The following FGFR1 variants were observed in gnomAD, a reference collection of about 807,000 sequenced individuals.
FGFR1 encodes the protein fibroblast growth factor receptor 1.
In FGFR1, 18 loss-of-function variants were observed where a neutral mutation model predicts 93.7. The ratio of observed to expected loss-of-function variants is 0.19; its 90% CI spans 0.13 to 0.28. The LOEUF (loss-of-function observed/expected upper bound fraction) is 0.28. Among genes scored for constraint, FGFR1 ranks in the 10% least tolerant of loss-of-function variants. The pLI, the probability that FGFR1 is intolerant of heterozygous loss-of-function variation, is 1.00. For synonymous variants in FGFR1, 448 were observed against 429.3 expected (o/e 1.04, Z -0.54); for missense variants, 731 against 1,080.4 (o/e 0.68, Z 4.53).
chr8:38,433,939 A>C (rs894923885), intron 2 of FGFR1, among the ~76,000 whole-genome samples: 9 of 152,158 alleles, frequency 5.9e-5, no homozygotes, highest in African/African-American at 2.2e-4. Context: ...CCCTATCCCC[A>C]GTCTAAGCAA....
At chr8:38,446,539 A>G (rs1829353517) in intron 2 of FGFR1, among the ~76,000 whole-genome samples, 1 of 151,742 alleles carries the variant, frequency 6.6e-6, no homozygotes, top group Non-Finnish European at 1.5e-5. Context: ...TAGCCTCCCG[A>G]GTAGCTGGGA....
chr8:38,430,234 G>GGATCA lies in FGFR1; in HGVS notation c.92-287_92-286insTGATC, dbSNP rs10678546. The GGATCA allele has an allele frequency of 0.98, 446,123 of 453,292 alleles. 219,693 individuals carry two copies. Among genetic ancestry groups the GGATCA allele is most frequent in the East Asian group, 1 (28,228 of 28,236 alleles). The allele number at this position is 453,292 out of a possible 1,614,324, so 28.1% of individuals were successfully genotyped here. A position where few individuals can be genotyped will look rare whatever the true frequency, so the allele number is the denominator to read the frequency against. ...GGAAGCAGCTGTAGCAGCATTAAGC[G>GGATCA]CATTTCATTTCCCCCATCCTAAGGG... On this transcript the variant is annotated intron_variant, in intron 2 of 17. Transcript: ENST00000447712.
intron 7 of FGFR1, chr8:38,423,144 A>G (rs1410881329): frequency 3.8e-6 from 3 of 779,264 alleles, no homozygotes; most frequent in Non-Finnish European, 7.2e-6. Context: ...CAGGGTCAGC[A>G]CCTCCGCATC....
chr8:38,462,101 A>G (rs140358537), intron 1 of FGFR1, among the ~76,000 whole-genome samples: 208 of 152,366 alleles, frequency 1.4e-3, no homozygotes, highest in African/African-American at 4.7e-3. Context: ...CTTGTTATGA[A>G]AAAAATGTAA....
chr8:38,414,407 AC>A (rs1815543770), intron 15 of FGFR1, 118 bp from the exon 16 acceptor site: 1 of 1,562,170 alleles, frequency 6.4e-7, no homozygotes, highest in Non-Finnish European at 8.8e-7. Context: ...CAGCCTTTCA[AC>A]ATCTGGAGCA....
In FGFR1 at chr8:38,424,394, G is replaced by T; in HGVS notation, c.936+115C>A. On this transcript the variant is annotated intron_variant, in intron 7 of 17. Transcript: ENST00000447712. This position sits in a 1 kb window ranked among gnomAD's most constrained non-coding sequence, Gnocchi z 4.3. Reference sequence around the variant, plus strand: ...CTGAGATGGAGTGTGTGTGCCTGAAGCGTGAGGAATGATCCCATTCGGGGG... The same window carrying T: ...CTGAGATGGAGTGTGTGTGCCTGAATCGTGAGGAATGATCCCATTCGGGGG... 9.2e-7 allele frequency: 1 copy of T among 1,086,242 alleles called. No individual in the cohort carries two copies. Among genetic ancestry groups the T allele is most frequent in the Non-Finnish European group, 1.4e-6 (1 of 709,384 alleles). 67.3% of individuals were successfully genotyped at this position (1,086,242 alleles called of 1,614,324 possible).
In FGFR1 at chr8:38,457,548, A is replaced by G. The variant is rs1000247572; in HGVS notation, c.-88-14T>C. On this transcript the variant is annotated splice_polypyrimidine_tract_variant and intron_variant, in intron 1 of 17. Coordinates refer to ENST00000447712, the MANE Select transcript of FGFR1 (RefSeq NM_023110.3). ...TTCAAACTGACCCTGAGGAAAGGAA[A>G]AAAACCCCAAAAGTTAGGAGGGTCT... is the stretch of plus-strand genomic sequence containing the variant. 1 of 1,562,658 alleles carries G rather than the reference A, an allele frequency of 6.4e-7. No individual in the cohort carries two copies. The highest frequency in any genetic ancestry group is 8.7e-7 in the Non-Finnish European group (1 of 1,156,032).
chr8:38,420,403 T>G (rs1416392269), intron 8 of FGFR1: 1 of 152,308 alleles, frequency 6.6e-6, no homozygotes, highest in African/African-American at 2.4e-5. Flanking sequence ...CAGGCAAAGC[T>G]GACTTAATTT....
At chr8:38,461,398 G>A (rs968441529) in intron 1 of FGFR1, 3 of 441,054 alleles carry the variant, frequency 6.8e-6, no homozygotes, top group African/African-American at 2.0e-5. Context: ...GCAGTGGCAC[G>A]ATCTCAACTC....
Position 38,426,011 on chromosome 8 carries a change from G to T in FGFR1, c.745+111C>A. The stretch of plus-strand genomic sequence containing the variant: ...GCTCAAGGTGACAAAGCCAAGAAGT[G>T]CCAATCGCTATCCTGACTCTGCCCC... On this transcript the variant is annotated intron_variant, in intron 6 of 17. Coordinates refer to ENST00000447712, the MANE Select transcript of FGFR1 (RefSeq NM_023110.3). This position sits in a 1 kb window ranked among gnomAD's most constrained non-coding sequence, Gnocchi z 4.1. The T allele has an allele frequency of 6.9e-7, 1 of 1,456,362 alleles. No homozygotes were observed. The allele number at this position is 1,456,362 out of a possible 1,614,324, so 90.2% of individuals were successfully genotyped here.
chr8:38,431,187 G>C (rs1454287229), intron 2 of FGFR1, among the ~76,000 whole-genome samples: 11 of 152,158 alleles, frequency 7.2e-5, no homozygotes, highest in Admixed American at 3.3e-4. Flanking sequence ...TGTGGCTCAC[G>C]GCTGCCCCAG....
intron 2 of FGFR1, among the ~76,000 whole-genome samples, chr8:38,452,008 C>A (rs1831221308): frequency 6.6e-6 from 1 of 152,118 alleles, no homozygotes; most frequent in African/African-American, 2.4e-5. Flanking sequence ...TCTGTAAGAT[C>A]CCAAACCAAA....
intron 2 of FGFR1, among the ~76,000 whole-genome samples, chr8:38,437,857 G>A (rs1207640875): frequency 1.3e-5 from 2 of 152,288 alleles, no homozygotes; most frequent in East Asian, 3.9e-4. Flanking sequence ...TTGAAATACC[G>A]CTTCACCAGC....
chr8:38,418,083 A>T (rs2150664327), intron 10 of FGFR1, 92 bp from the exon 11 acceptor site: 1 of 1,609,402 alleles, frequency 6.2e-7, no homozygotes. Context: ...TATTTCACCC[A>T]ACTGCGAGCA....
chr8:38,415,841 TTAC>T lies in FGFR1; in HGVS notation c.1854+26_1854+28del, dbSNP rs745447923. On this transcript the variant is annotated intron_variant, in intron 13 of 17. Transcript: ENST00000447712. Reference sequence around the variant, plus strand: ...GGGGGGCTCTGTTCCCACCCTGGCATTACCCAGGGGAGCCTTCAGGTTCCACAC... The same window carrying T: ...GGGGGGCTCTGTTCCCACCCTGGCATCCAGGGGAGCCTTCAGGTTCCACAC... The T allele has an allele frequency of 1.3e-5, 21 of 1,604,776 alleles. No individual in the cohort carries two copies. In the Admixed American group the frequency reaches 2.2e-4, roughly 17 times the overall value.
At chr8:38,456,558 G>A (rs759950900) in intron 2 of FGFR1, among the ~76,000 whole-genome samples, 8 of 152,174 alleles carry the variant, frequency 5.3e-5, no homozygotes, top group Middle Eastern at 3.2e-3. Flanking sequence ...AAATGCAGGC[G>A]TGAAGCCATG....
chr8:38,458,751 G>A (rs1406533778), intron 1 of FGFR1: 3 of 219,574 alleles, frequency 1.4e-5, no homozygotes, highest in African/African-American at 6.7e-5. Flanking sequence ...ATGACCTCCT[G>A]GGTACTTTCT....
intron 2 of FGFR1, among the ~76,000 whole-genome samples, chr8:38,442,527 T>C (rs1309018949): frequency 6.6e-6 from 1 of 151,958 alleles, no homozygotes; most frequent in East Asian, 1.9e-4. Context: ...GGAAAGATCA[T>C]TAAGAGTGGG....
Position 38,429,602 on chromosome 8 carries a change from T to C in FGFR1, c.358+80A>G, listed in dbSNP as rs2150951105. ...GGGCAGATCACGGAGGGGGAGGAGG[T>C]TCACCTTCCTCTGAAACTGGCAGAG... On this transcript the variant is annotated intron_variant, in intron 3 of 17. Coordinates refer to ENST00000447712, the MANE Select transcript of FGFR1 (RefSeq NM_023110.3). The surrounding 1 kb of genome is among the most constrained non-coding windows in gnomAD (Gnocchi z 4.4). The C allele has an allele frequency of 6.9e-7, 1 of 1,456,314 alleles. No individual in the cohort carries two copies. Among genetic ancestry groups the C allele is most frequent in the Non-Finnish European group, 9.3e-7 (1 of 1,069,710 alleles). 90.2% of individuals were successfully genotyped at this position (1,456,314 alleles called of 1,614,324 possible).
Sources: allele counts gnomAD v4.1 joint callset (sites outside exome capture counted in the v4.1 genomes callset), GRCh38; gene constraint gnomAD v4.1.1; non-coding constraint Gnocchi (gnomAD v3.1); transcripts MANE v1.5; gene names NCBI Gene and HGNC (gene_info 2026-07-23, HGNC 2026-07-21).